Variants in INPP4B observed in about 807,000 individuals in gnomAD.
The protein encoded by INPP4B is inositol polyphosphate-4-phosphatase type II B.
Under a neutral mutation model 122.5 loss-of-function variants are expected in INPP4B, and 55 were observed. The ratio of observed to expected loss-of-function variants is 0.45; its 90% CI spans 0.36 to 0.56. INPP4B has a LOEUF of 0.56. Among genes scored for constraint, INPP4B ranks in the 20% least tolerant of loss-of-function variants. The probability of loss-of-function intolerance (pLI) is 0.00; values close to 1 mark genes in which losing one functional copy is unlikely to be tolerated. For missense variants in INPP4B, 1,000 were observed against 1,097.7 expected (o/e 0.91, Z 1.26); for synonymous variants, 403 against 388.7 (o/e 1.04, Z -0.43).
At chr4:142,586,181 C>T (rs1311568955) in intron 2 of INPP4B, among the ~76,000 whole-genome samples, 1 of 151,812 alleles carries the variant, frequency 6.6e-6, no homozygotes, top group Non-Finnish European at 1.5e-5. Context: ...ATAATGGCTT[C>T]CGGACCTGTG....
At chr4:142,537,558 C>T (rs946224043) in intron 2 of INPP4B, among the ~76,000 whole-genome samples, 3 of 151,012 alleles carry the variant, frequency 2.0e-5, no homozygotes, top group Admixed American at 2.0e-4. Context: ...TAAGTCCTCA[C>T]CTAATGTTGT....
At chr4:142,133,040 C>A (rs1802100505) in intron 18 of INPP4B, among the ~76,000 whole-genome samples, 1 of 152,168 alleles carries the variant, frequency 6.6e-6, no homozygotes, top group Non-Finnish European at 1.5e-5. Context: ...GACCTATTTT[C>A]TAACCCCGGC....
intron 12 of INPP4B, 126 bp downstream of exon 12, chr4:142,237,738 G>A (rs1441052506): frequency 6.2e-5 from 31 of 498,570 alleles, no homozygotes; most frequent in Admixed American, 1.5e-4. Context: ...TAACTGGCTC[G>A]GTTTAGCTAT....
At chr4:142,373,392 C>T (rs1332960265) in intron 7 of INPP4B, among the ~76,000 whole-genome samples, 2 of 151,914 alleles carry the variant, frequency 1.3e-5, no homozygotes, top group Non-Finnish European at 2.9e-5. Context: ...AAAAACACTC[C>T]TTGCAAAATA....
chr4:142,529,556 T>C (rs1827338565), intron 2 of INPP4B, among the ~76,000 whole-genome samples: 1 of 152,024 alleles, frequency 6.6e-6, no homozygotes, highest in Non-Finnish European at 1.5e-5. Context: ...GAACATAAAA[T>C]GGATTTATTA....
intron 2 of INPP4B, among the ~76,000 whole-genome samples, chr4:142,621,822 A>G (rs1353536571): frequency 2.0e-5 from 3 of 151,716 alleles, no homozygotes. Flanking sequence ...TATATAAACA[A>G]TAATATTTAA....
chr4:142,051,276 C>G (rs1754450025), intron 25 of INPP4B, among the ~76,000 whole-genome samples: 1 of 152,024 alleles, frequency 6.6e-6, no homozygotes, highest in South Asian at 2.1e-4. Context: ...ACTTTATCAT[C>G]TACTGGCTAA....
chr4:142,142,210 T>C (rs1002077794), intron 18 of INPP4B, among the ~76,000 whole-genome samples: 1 of 152,122 alleles, frequency 6.6e-6, no homozygotes, highest in Non-Finnish European at 1.5e-5. Context: ...TTTGGGACTA[T>C]TGAAGAAATA....
chr4:142,672,141 C>A (rs1757081668), intron 2 of INPP4B, among the ~76,000 whole-genome samples: 1 of 152,134 alleles, frequency 6.6e-6, no homozygotes, highest in South Asian at 2.1e-4. Context: ...GCAGTTGAAA[C>A]ACATTTTCAT....
chr4:142,703,883 A>T (rs913369938), intron 2 of INPP4B, among the ~76,000 whole-genome samples: 5 of 152,214 alleles, frequency 3.3e-5, no homozygotes, highest in Admixed American at 6.5e-5. Context: ...GAGCTCCACC[A>T]TTTGGTGCAC....
At chr4:142,178,894 T>C (rs984991100) in intron 15 of INPP4B, among the ~76,000 whole-genome samples, 1 of 151,432 alleles carries the variant, frequency 6.6e-6, no homozygotes, top group Non-Finnish European at 1.5e-5. Context: ...ATGCTCTCAG[T>C]TCTGACTGAG....
At chr4:142,134,803 A>G (rs1044838778) in intron 18 of INPP4B, among the ~76,000 whole-genome samples, 10 of 149,466 alleles carry the variant, frequency 6.7e-5, no homozygotes, top group African/African-American at 2.5e-4. Context: ...GTCTCAAAAA[A>G]AAAAAAAAAA....
chr4:142,485,951 T>A (rs1321708592), intron 2 of INPP4B, among the ~76,000 whole-genome samples: 1 of 152,144 alleles, frequency 6.6e-6, no homozygotes, highest in Non-Finnish European at 1.5e-5. Flanking sequence ...GTGACTGAGA[T>A]CTGGCTGACA....
chr4:142,237,791 A>G, intron 12 of INPP4B, 73 bp downstream of exon 12: 1 of 857,084 alleles, frequency 1.2e-6, no homozygotes, highest in Non-Finnish European at 1.7e-6. Flanking sequence ...CAGATTATAT[A>G]TAATTTGTCA....
chr4:142,738,170 C>T (rs755166304), intron 1 of INPP4B, among the ~76,000 whole-genome samples: 25 of 151,930 alleles, frequency 1.6e-4, no homozygotes, highest in Admixed American at 7.2e-4. Context: ...GTATGTTTAC[C>T]GCAGCACTAT....
chr4:142,631,874 T>C (rs1748036852), intron 2 of INPP4B, among the ~76,000 whole-genome samples: 1 of 152,122 alleles, frequency 6.6e-6, no homozygotes, highest in African/African-American at 2.4e-5. Flanking sequence ...CAAATTCATT[T>C]TGTCAATATT....
At chr4:142,434,461 C>CG (rs968774316) in intron 3 of INPP4B, among the ~76,000 whole-genome samples, 1 of 152,062 alleles carries the variant, frequency 6.6e-6, no homozygotes, top group Non-Finnish European at 1.5e-5. Flanking sequence ...AACTTTCTAC[C>CG]GGGGGTGGAA....
At chr4:142,677,371 A>G (rs1280622056) in intron 2 of INPP4B, among the ~76,000 whole-genome samples, 1 of 152,168 alleles carries the variant, frequency 6.6e-6, no homozygotes, top group Non-Finnish European at 1.5e-5. Context: ...GGGGAGAAAT[A>G]GGAACGCTTT....
At chr4:142,143,663 G>A (rs1387526314) in intron 18 of INPP4B, among the ~76,000 whole-genome samples, 4 of 151,926 alleles carry the variant, frequency 2.6e-5, no homozygotes, top group Admixed American at 6.6e-5. Flanking sequence ...TAGGAGAGAG[G>A]GGGCAACTCT....
Sources: gnomAD v4.1 joint callset for allele counts (sites outside exome capture counted in the v4.1 genomes callset) on GRCh38, gnomAD v4.1.1 for gene constraint, MANE v1.5 for transcripts, NCBI Gene and HGNC (gene_info 2026-07-23, HGNC 2026-07-21) for gene names.